The following MBLAC2 variants were observed in gnomAD, a reference collection of about 807,000 sequenced individuals.
The protein encoded by MBLAC2 is metallo-beta-lactamase domain containing 2, also known as acyl-coenzyme A thioesterase MBLAC2.
In MBLAC2, 24 loss-of-function variants were observed where a neutral mutation model predicts 23.3. The ratio of observed to expected loss-of-function variants is 1.03; its 90% CI spans 0.75 to 1.45. The LOEUF (loss-of-function observed/expected upper bound fraction) is 1.45. Ranked by LOEUF, MBLAC2 falls within the 40% of genes most tolerant of loss-of-function variation. MBLAC2 has a pLI of 0.00. For missense variants in MBLAC2, 358 were observed against 370.0 expected (o/e 0.97, Z 0.27); for synonymous variants, 162 against 150.9 (o/e 1.07, Z -0.54).
chr5:90,468,222 TA>T (rs1750482573), intron 1 of MBLAC2, among the ~76,000 whole-genome samples: 1 of 152,208 alleles, frequency 6.6e-6, no homozygotes, highest in Non-Finnish European at 1.5e-5. Flanking sequence ...GAGCTTCTTG[TA>T]TTTGGATGTC....
rs986057237 is a variant in MBLAC2 at position 90,474,552 on chromosome 5, A to G, written c.-260T>C. On this transcript the variant is annotated 5_prime_UTR_variant, in exon 1 of 2. Coordinates refer to ENST00000316610, the MANE Select transcript of MBLAC2 (RefSeq NM_203406.2). ...GGCTGCGCCACCAGCACGGGGGCGCAGGAGCTACCGCAGCCTCGGCAGCCG... is the reference window on the plus strand; with the variant it reads ...GGCTGCGCCACCAGCACGGGGGCGCGGGAGCTACCGCAGCCTCGGCAGCCG... 3.1e-5 allele frequency: 16 copies of G among 509,324 alleles called. No individual in the cohort carries two copies. Among genetic ancestry groups the G allele is most frequent in the Admixed American group, 1.5e-4 (4 of 27,116 alleles). The allele number at this position is 509,324 out of a possible 1,614,324, so 31.6% of individuals were successfully genotyped here.
rs1750647394 is a variant in MBLAC2 at position 90,474,175 on chromosome 5, G to A, written c.118C>T (p.Gln40Ter). The A allele has an allele frequency of 6.2e-7, 1 of 1,604,726 alleles. No homozygotes were observed. Among genetic ancestry groups the A allele is most frequent in the Non-Finnish European group, 8.5e-7 (1 of 1,175,450 alleles). Residue 40 changes from glutamine (Q) to a stop codon, truncating the protein, a stop_gained, in exon 1 of 2, where the codon CAG (glutamine) becomes TAG (stop). Coordinates refer to ENST00000316610, the MANE Select transcript of MBLAC2 (RefSeq NM_203406.2). LOFTEE classifies it high-confidence loss of function. ...ANIWLVRGSE[Q>*]DVVIDTGLGL... ...AGGCCTGTATCGATCACCACGTCCT[G>A]CTCGGAGCCGCGCACCAGCCAGATG... is the stretch of plus-strand genomic sequence containing the variant.
intron 1 of MBLAC2, among the ~76,000 whole-genome samples, chr5:90,469,323 A>T (rs1410675538): frequency 6.6e-6 from 1 of 152,042 alleles, no homozygotes; most frequent in Non-Finnish European, 1.5e-5. Context: ...CATTATTCTA[A>T]GGCTGGATTT....
rs1308496206 is a variant in MBLAC2, at chr5:90,474,373, C to CT, written c.-82dup. On this transcript the variant is annotated 5_prime_UTR_variant, in exon 1 of 2. Transcript: ENST00000316610. ...GCTGTCCACACACAGGGCACTGCGGCTGTGTGAAGCGGTCTGCCTGCAGCC... is the reference window on the plus strand; with the variant it reads ...GCTGTCCACACACAGGGCACTGCGGCTTGTGTGAAGCGGTCTGCCTGCAGCC... 3 of 1,314,628 alleles carry CT rather than the reference C, an allele frequency of 2.3e-6. No individual in the cohort carries two copies. Among genetic ancestry groups the CT allele is most frequent in the Non-Finnish European group, 3.2e-6 (3 of 930,464 alleles). The allele number at this position is 1,314,628 out of a possible 1,614,324, so 81.4% of individuals were successfully genotyped here. A position where few individuals can be genotyped will look rare whatever the true frequency, so the allele number is the denominator to read the frequency against.
chr5:90,464,459 C>T (rs1750418317), intron 1 of MBLAC2, among the ~76,000 whole-genome samples: 1 of 152,004 alleles, frequency 6.6e-6, no homozygotes, highest in Non-Finnish European at 1.5e-5. Flanking sequence ...GTGTTTTGTG[C>T]CTGTAGTCCC....
rs549314148 is a variant in MBLAC2, at chr5:90,468,961, T to C, written c.454+4878A>G. Among the ~76,000 whole-genome samples the C allele has an allele frequency of 2.9e-3, 449 of 152,294 alleles. 2 individuals carry two copies. Among genetic ancestry groups the C allele is most frequent in the African/African-American group, 0.01 (432 of 41,562 alleles). ...TAAGAGGAAAGTTCATAGCATTAAATGCCTACATCAAAAAGTCTGAAAGAG... is the reference window on the plus strand; with the variant it reads ...TAAGAGGAAAGTTCATAGCATTAAACGCCTACATCAAAAAGTCTGAAAGAG... On this transcript the variant is annotated intron_variant, in intron 1 of 1. Transcript: ENST00000316610.
intron 1 of MBLAC2, 68 bp downstream of exon 1, chr5:90,473,771 C>T (rs918236686): frequency 2.1e-6 from 3 of 1,420,264 alleles, no homozygotes; most frequent in Non-Finnish European, 2.9e-6. Context: ...CTGCAACATG[C>T]GGCACTCGGA....
chr5:90,472,067 T>C (rs1750557915), intron 1 of MBLAC2: 1 of 152,212 alleles, frequency 6.6e-6, no homozygotes, highest in Non-Finnish European at 1.5e-5. Flanking sequence ...CTTTCCGAGA[T>C]GGGGTATGTG....
At chr5:90,464,412 A>G (rs963462920) in intron 1 of MBLAC2, among the ~76,000 whole-genome samples, 11 of 152,076 alleles carry the variant, frequency 7.2e-5, no homozygotes, top group Non-Finnish European at 1.5e-4. Flanking sequence ...TTTCTATAAA[A>G]ATTAAAAATA....
intron 1 of MBLAC2, among the ~76,000 whole-genome samples, chr5:90,467,754 C>T (rs13436823): frequency 9.6e-6 from 1 of 104,142 alleles, no homozygotes. Context: ...TTGGGGGGGG[C>T]GGTTTGTTTG....
rs1580184921 is a variant in MBLAC2 at position 90,473,930 on chromosome 5, G to A, written c.363C>T (p.Ser121=). ...GDNFETVTWL[S]DSEVVRTPSP... is the part of the protein sequence containing the mutation. ...TGGGCGTCCGCACCACCTCGCTATC[G>A]GAAAGCCAGGTCACGGTCTCAAAGT... is the stretch of plus-strand genomic sequence containing the variant. The change falls in exon 1 of 2, where the codon TCC becomes TCT. Residue 121 remains serine, a synonymous_variant. Coordinates refer to ENST00000316610, the MANE Select transcript of MBLAC2 (RefSeq NM_203406.2). 3 of 1,605,238 alleles carry A rather than the reference G, an allele frequency of 1.9e-6. No individual in the cohort carries two copies. The highest frequency in any genetic ancestry group is 2.2e-5 in the East Asian group (1 of 44,462).
chr5:90,461,129 T>C lies in MBLAC2; in HGVS notation c.*38A>G. ...AGTTAAATAGCACAGAATGAATTAATGTATATAATTAATCAAAATATATTA... is the reference window on the plus strand; with the variant it reads ...AGTTAAATAGCACAGAATGAATTAACGTATATAATTAATCAAAATATATTA... On this transcript the variant is annotated 3_prime_UTR_variant, in exon 2 of 2. Transcript: ENST00000316610. 7.0e-7 allele frequency: 1 copy of C among 1,430,418 alleles called. No individual in the cohort carries two copies. The highest frequency in any genetic ancestry group is 9.3e-7 in the Non-Finnish European group (1 of 1,073,580). The allele number at this position is 1,430,418 out of a possible 1,614,324, so 88.6% of individuals were successfully genotyped here.
At chr5:90,473,451 TAA>T (rs1750604249) in intron 1 of MBLAC2, 2 of 554,526 alleles carry the variant, frequency 3.6e-6, no homozygotes, top group East Asian at 3.1e-5. Context: ...GGTCATTCCT[TAA>T]AAGTCTGCTC....
Position 90,460,890 on chromosome 5 carries a change from C to T in MBLAC2, c.*277G>A, listed in dbSNP as rs1422945182. On this transcript the variant is annotated 3_prime_UTR_variant, in exon 2 of 2. Transcript: ENST00000316610. ...GGGCAGTTCTCTTGCCACAAAATCT[C>T]TCTTTGCTTCCCCATAAACCTTTAT... is the stretch of plus-strand genomic sequence containing the variant. The T allele has an allele frequency of 3.8e-6, 1 of 266,582 alleles. No homozygotes were observed. The highest frequency in any genetic ancestry group is 2.2e-5 in the African/African-American group (1 of 45,078). The allele number at this position is 266,582 out of a possible 1,614,324, so 16.5% of individuals were successfully genotyped here.
At chr5:90,464,371 G>A (rs1012234960) in intron 1 of MBLAC2, among the ~76,000 whole-genome samples, 1 of 152,096 alleles carries the variant, frequency 6.6e-6, no homozygotes, top group African/African-American at 2.4e-5. Flanking sequence ...AGGAGTTTGA[G>A]ACCAGCCTCG....
At chr5:90,467,885 CT>C (rs1361989284) in intron 1 of MBLAC2, among the ~76,000 whole-genome samples, 8 of 152,006 alleles carry the variant, frequency 5.3e-5, no homozygotes, top group African/African-American at 1.7e-4. Flanking sequence ...TTTATCAGTT[CT>C]TGTAGTGATG....
At position 90,458,978 on chromosome 5, in the gene MBLAC2, T is replaced by C. The variant is rs368778139; in HGVS notation, c.*2189A>G. On this transcript the variant is annotated 3_prime_UTR_variant, in exon 2 of 2. Transcript: ENST00000316610. ...AATTGCACTTTTTATAAATAAATCC[T>C]TCAGCAGGTTTAAATATTTCCTAAT... 2.0e-4 allele frequency: 30 copies of C among 152,608 alleles called. No individual in the cohort carries two copies. Among genetic ancestry groups the C allele is most frequent in the African/African-American group, 6.3e-4 (26 of 41,454 alleles). 9.5% of individuals were successfully genotyped at this position (152,608 alleles called of 1,614,324 possible).
chr5:90,467,746 G>C (rs1025149110), intron 1 of MBLAC2, among the ~76,000 whole-genome samples: 1 of 101,208 alleles, frequency 9.9e-6, no homozygotes, highest in African/African-American at 3.7e-5. Flanking sequence ...TTCTTTTTTT[G>C]GGGGGGGCGG....
In MBLAC2 at chr5:90,460,988, T is replaced by C. The variant is rs545536298; in HGVS notation, c.*179A>G. 1.8e-6 allele frequency: 1 copy of C among 558,434 alleles called. No individual in the cohort carries two copies. The highest frequency in any genetic ancestry group is 3.0e-6 in the Non-Finnish European group (1 of 338,282). The allele number at this position is 558,434 out of a possible 1,614,324, so 34.6% of individuals were successfully genotyped here. On this transcript the variant is annotated 3_prime_UTR_variant, in exon 2 of 2. Coordinates refer to ENST00000316610, the MANE Select transcript of MBLAC2 (RefSeq NM_203406.2). Reference sequence around the variant, plus strand: ...AAGCTTATTTAAGTGGCTTCTTTCTTGGAAGAAAGAAAACAATTTAAACTA... The same window carrying C: ...AAGCTTATTTAAGTGGCTTCTTTCTCGGAAGAAAGAAAACAATTTAAACTA...
Sources: allele counts gnomAD v4.1 joint callset (sites outside exome capture counted in the v4.1 genomes callset), GRCh38; gene constraint gnomAD v4.1.1; transcripts MANE v1.5; gene names NCBI Gene and HGNC (gene_info 2026-07-23, HGNC 2026-07-21).